The following CHRM3 variants were observed in gnomAD, a reference collection of about 807,000 sequenced individuals.
The protein encoded by CHRM3 is muscarinic acetylcholine receptor M3.
Under a neutral mutation model 41.8 loss-of-function variants are expected in CHRM3, and 11 were observed. That is an observed-to-expected ratio of 0.26 (90% CI 0.17 to 0.44). CHRM3 has a LOEUF of 0.44. Ranked by LOEUF, CHRM3 falls within the 20% of genes least tolerant of loss-of-function variation. The pLI is 1.00. For synonymous variants in CHRM3, 297 were observed against 301.4 expected (o/e 0.99, Z 0.15); for missense variants, 571 against 745.4 (o/e 0.77, Z 2.72).
chr1:239,655,941 G>A (rs890940680), intron 4 of CHRM3, among the ~76,000 whole-genome samples: 2 of 152,122 alleles, frequency 1.3e-5, no homozygotes, highest in African/African-American at 2.4e-5. Context: ...TAAATAAAAC[G>A]TGGTACTTTT....
At chr1:239,710,062 C>G (rs904386335) in intron 5 of CHRM3, among the ~76,000 whole-genome samples, 1 of 152,150 alleles carries the variant, frequency 6.6e-6, no homozygotes, top group Non-Finnish European at 1.5e-5. Context: ...TTGCTGACAT[C>G]GACCTTGAAA....
At chr1:239,388,896 G>A (rs780477270) in intron 1 of CHRM3, among the ~76,000 whole-genome samples, 21 of 152,144 alleles carry the variant, frequency 1.4e-4, no homozygotes, top group African/African-American at 4.6e-4. Flanking sequence ...ATTAGCTATT[G>A]TTGGGCTAGA....
At chr1:239,596,392 G>T (rs1376855788) in intron 3 of CHRM3, among the ~76,000 whole-genome samples, 2 of 152,050 alleles carry the variant, frequency 1.3e-5, no homozygotes, top group African/African-American at 2.4e-5. Flanking sequence ...TACAAAAGGG[G>T]AGACCTTCAG....
intron 3 of CHRM3, among the ~76,000 whole-genome samples, chr1:239,606,495 C>T (rs1206100626): frequency 2.6e-5 from 4 of 152,160 alleles, no homozygotes; most frequent in African/African-American, 9.7e-5. Flanking sequence ...AGGCTGGTCT[C>T]AATCTCCTGA....
chr1:239,607,284 G>A (rs1293617169), intron 3 of CHRM3, among the ~76,000 whole-genome samples: 1 of 152,064 alleles, frequency 6.6e-6, no homozygotes, highest in African/African-American at 2.4e-5. Flanking sequence ...TGTGAGAAAT[G>A]AGTTAATACA....
chr1:239,812,045 T>C (rs1671160752), intron 5 of CHRM3, among the ~76,000 whole-genome samples: 1 of 152,102 alleles, frequency 6.6e-6, no homozygotes, highest in Non-Finnish European at 1.5e-5. Flanking sequence ...ATGTGCTAGG[T>C]TTTTTGGTTT....
chr1:239,899,480 A>G (rs764478565), intron 6 of CHRM3, among the ~76,000 whole-genome samples: 2 of 126,046 alleles, frequency 1.6e-5, no homozygotes, highest in African/African-American at 3.6e-5. Flanking sequence ...ATGTGTGTAT[A>G]TATACTCACA....
At chr1:239,438,268 G>A (rs1418248221) in intron 1 of CHRM3, among the ~76,000 whole-genome samples, 2 of 152,260 alleles carry the variant, frequency 1.3e-5, no homozygotes, top group South Asian at 2.1e-4. Context: ...GTACTGGGAT[G>A]TAAAACGTAC....
At chr1:239,438,899 AC>A (rs1251367785) in intron 1 of CHRM3, among the ~76,000 whole-genome samples, 4 of 152,300 alleles carry the variant, frequency 2.6e-5, no homozygotes, top group African/African-American at 9.6e-5. Flanking sequence ...AAAATAGAAA[AC>A]TAAATCAAGG....
At chr1:239,402,346 T>C (rs910548771) in intron 1 of CHRM3, among the ~76,000 whole-genome samples, 4 of 152,214 alleles carry the variant, frequency 2.6e-5, no homozygotes, top group African/African-American at 9.6e-5. Flanking sequence ...ACCACATTAA[T>C]TACTTGCCAC....
chr1:239,708,432 C>T (rs893283334), intron 5 of CHRM3, among the ~76,000 whole-genome samples: 2 of 152,148 alleles, frequency 1.3e-5, no homozygotes, highest in Admixed American at 6.5e-5. Context: ...TAGCTGGAGT[C>T]GTATTCCAAA....
At chr1:239,876,062 TG>T (rs112549920) in intron 6 of CHRM3, among the ~76,000 whole-genome samples, 16 of 152,184 alleles carry the variant, frequency 1.1e-4, no homozygotes, top group African/African-American at 3.9e-4. Context: ...ACTGGTGACG[TG>T]CTAAAGAACT....
intron 1 of CHRM3, among the ~76,000 whole-genome samples, chr1:239,412,589 T>C (rs1469113016): frequency 4.6e-5 from 7 of 151,482 alleles, no homozygotes; most frequent in Non-Finnish European, 1.0e-4. Context: ...AGTATATGTG[T>C]GCACAAATAA....
At chr1:239,404,747 T>TATATAG (rs1310011259) in intron 1 of CHRM3, among the ~76,000 whole-genome samples, 1 of 144,398 alleles carries the variant, frequency 6.9e-6, no homozygotes, top group Non-Finnish European at 1.5e-5. Flanking sequence ...TATATATATA[T>TATATAG]ATATATATAT....
chr1:239,886,461 A>G (rs1442388223), intron 6 of CHRM3: 1 of 152,192 alleles, frequency 6.6e-6, no homozygotes, highest in Non-Finnish European at 1.5e-5. Flanking sequence ...CTTCTGTCTT[A>G]TTATCATATC....
chr1:239,566,292 T>C (rs997814213), intron 3 of CHRM3, among the ~76,000 whole-genome samples: 1 of 152,152 alleles, frequency 6.6e-6, no homozygotes, highest in Admixed American at 6.5e-5. Context: ...AATCCGGAGA[T>C]TATGTCATTG....
chr1:239,565,559 G>A (rs767595858), intron 3 of CHRM3, among the ~76,000 whole-genome samples: 10 of 151,840 alleles, frequency 6.6e-5, no homozygotes, highest in African/African-American at 1.5e-4. Context: ...TAAATGTTTC[G>A]GCAAAAATAG....
At chr1:239,641,093 C>A (rs1430060546) in intron 4 of CHRM3, among the ~76,000 whole-genome samples, 4 of 152,164 alleles carry the variant, frequency 2.6e-5, no homozygotes, top group Non-Finnish European at 5.9e-5. Context: ...GTTTCTTAAT[C>A]CTGACTTCTA....
intron 1 of CHRM3, among the ~76,000 whole-genome samples, chr1:239,396,296 A>G (rs966368047): frequency 6.6e-6 from 1 of 152,144 alleles, no homozygotes; most frequent in African/African-American, 2.4e-5. Context: ...TATCTAGTGC[A>G]GAGTCTTCTT....
Sources: allele counts gnomAD v4.1 joint callset (sites outside exome capture counted in the v4.1 genomes callset), GRCh38; gene constraint gnomAD v4.1.1; transcripts MANE v1.5; gene names NCBI Gene and HGNC (gene_info 2026-07-23, HGNC 2026-07-21).